MYO3B: variants seen among roughly 807,000 people sequenced by gnomAD.
MYO3B encodes myosin IIIB, also known as myosin-IIIb.
Under a neutral mutation model 174.6 loss-of-function variants are expected in MYO3B, and 156 were observed. That is an observed-to-expected ratio of 0.89 (90% CI 0.78 to 1.02). The LOEUF is 1.02. Among genes scored for constraint, MYO3B ranks in the 50% least tolerant of loss-of-function variants. MYO3B has a pLI of 0.00. For missense variants in MYO3B, 1,632 were observed against 1,639.4 expected, an observed-to-expected ratio of 1.00 and a Z score of 0.08; for synonymous variants, 563 against 569.1, an observed-to-expected ratio of 0.99 and a Z score of 0.15.
Position 170,643,544 on chromosome 2 carries a change from GC to G in MYO3B, c.3734-8080del, listed in dbSNP as rs1698142150. ...TGCACAACTCTAATCCTATTTAAAT[GC>G]CCCAGGGGTATAGCTTATAACCTCA... On this transcript the variant is annotated intron_variant, in intron 32 of 34. Coordinates refer to ENST00000408978, the MANE Select transcript of MYO3B (RefSeq NM_138995.5). Among the ~76,000 whole-genome samples the G allele has an allele frequency of 2.0e-5, 3 of 152,244 alleles. 1 individual carries two copies. In the South Asian group the frequency reaches 6.2e-4, roughly 32 times the overall value.
chr2:170,214,879 G>A (rs2092811094), intron 5 of MYO3B, 51 bp downstream of exon 5: 2 of 1,386,806 alleles, frequency 1.4e-6, no homozygotes, highest in Non-Finnish European at 2.1e-6. Context: ...TTAGCCAAAG[G>A]GGACAATTTA....
At chr2:170,289,778 G>T (rs1315894433) in intron 7 of MYO3B, among the ~76,000 whole-genome samples, 1 of 151,776 alleles carries the variant, frequency 6.6e-6, no homozygotes, top group Admixed American at 6.6e-5. Context: ...TCCTTGAGGG[G>T]TGTCATTAGG....
At chr2:170,215,449 G>GTT (rs983349667) in intron 5 of MYO3B, among the ~76,000 whole-genome samples, 1 of 149,346 alleles carries the variant, frequency 6.7e-6, no homozygotes, top group African/African-American at 2.5e-5. Flanking sequence ...AAACCATTTG[G>GTT]TTTTTTTTTT....
chr2:170,384,099 A>G, intron 12 of MYO3B, among the ~76,000 whole-genome samples: 1 of 152,242 alleles, frequency 6.6e-6, no homozygotes, highest in Non-Finnish European at 1.5e-5. Context: ...TATGATGAGA[A>G]CAGTGCAAAC....
At chr2:170,423,585 C>T (rs1402137685) in intron 22 of MYO3B, among the ~76,000 whole-genome samples, 4 of 124,294 alleles carry the variant, frequency 3.2e-5, no homozygotes, top group African/African-American at 6.1e-5. Flanking sequence ...TCAGCAAAAG[C>T]TTTTTTTTTT....
Position 170,647,112 on chromosome 2 carries a change from G to A in MYO3B, c.3734-4516G>A, listed in dbSNP as rs528634224. ...TTCTTTCTAAAGTTTTTTGGAGAAT[G>A]TTTAAAATTCTCAATATATAACTCA... On this transcript the variant is annotated intron_variant, in intron 32 of 34. Coordinates refer to ENST00000408978, the MANE Select transcript of MYO3B (RefSeq NM_138995.5). 1.9e-4 allele frequency among the ~76,000 whole-genome samples: 29 copies of A among 152,244 alleles called. No homozygotes were observed. The South Asian group carries it at 6.0e-3, about 32-fold the overall frequency.
At chr2:170,478,276 C>T (rs947298332) in intron 25 of MYO3B, among the ~76,000 whole-genome samples, 9 of 151,830 alleles carry the variant, frequency 5.9e-5, no homozygotes, top group East Asian at 5.8e-4. Flanking sequence ...ATGGGGGAGG[C>T]GGTTAGTCAT....
intron 32 of MYO3B, among the ~76,000 whole-genome samples, chr2:170,608,084 G>A (rs1007563747): frequency 6.6e-6 from 1 of 152,150 alleles, no homozygotes; most frequent in Non-Finnish European, 1.5e-5. Flanking sequence ...GTACACTTCT[G>A]GAGGTTTCCT....
intron 7 of MYO3B, among the ~76,000 whole-genome samples, chr2:170,252,743 T>C (rs2093266599): frequency 6.6e-6 from 1 of 152,210 alleles, no homozygotes; most frequent in Non-Finnish European, 1.5e-5. Context: ...GGGTTTGTTA[T>C]ATAATGTGCT....
In MYO3B at chr2:170,641,923, TAAA is replaced by T. The variant is rs11349285; in HGVS notation, c.3734-9697_3734-9695del. 1.2e-4 allele frequency among the ~76,000 whole-genome samples: 17 copies of T among 138,256 alleles called. No individual in the cohort carries two copies. In the East Asian group the frequency reaches 2.5e-3, roughly 20 times the overall value. 90.7% of individuals were successfully genotyped at this position (138,256 alleles called of 152,430 possible). Reference sequence around the variant, plus strand: ...TAAATGAATGAATGAATTTTTTAGTTAAAAAAAAAAGAATACATATTCCTGTAA... The same window carrying T: ...TAAATGAATGAATGAATTTTTTAGTTAAAAAAAGAATACATATTCCTGTAA... On this transcript the variant is annotated intron_variant, in intron 32 of 34. Coordinates refer to ENST00000408978, the MANE Select transcript of MYO3B (RefSeq NM_138995.5).
rs112771373 is a variant in MYO3B at position 170,618,905 on chromosome 2, C to T, written c.3734-32723C>T. 5.6e-3 allele frequency among the ~76,000 whole-genome samples: 857 copies of T among 152,116 alleles called. 10 individuals are homozygous for T. Among genetic ancestry groups the T allele is most frequent in the African/African-American group, 0.018 (751 of 41,486 alleles). On this transcript the variant is annotated intron_variant, in intron 32 of 34. Coordinates refer to ENST00000408978, the MANE Select transcript of MYO3B (RefSeq NM_138995.5). ...ATAAGAATTTACAATATAGTGTGTG[C>T]GTCAGTAATTTCTAACAGAGCCTTA... is the stretch of plus-strand genomic sequence containing the variant.
At chr2:170,612,167 C>A (rs900963455) in intron 32 of MYO3B, among the ~76,000 whole-genome samples, 4 of 152,216 alleles carry the variant, frequency 2.6e-5, no homozygotes, top group Non-Finnish European at 5.9e-5. Context: ...TTGTCTGTCA[C>A]CTGTTCCACT....
Position 170,293,404 on chromosome 2 carries a change from G to A in MYO3B, c.750-41981G>A, listed in dbSNP as rs952663212. The stretch of plus-strand genomic sequence containing the variant: ...TTCTACTGCTTATTTCTTATATTAT[G>A]TTGAATAAAGTGGTGACAATGGGCA... On this transcript the variant is annotated intron_variant, in intron 7 of 34. Coordinates refer to ENST00000408978, the MANE Select transcript of MYO3B (RefSeq NM_138995.5). Among the ~76,000 whole-genome samples, 9 of 152,128 alleles carry A rather than the reference G, an allele frequency of 5.9e-5. No homozygotes were observed. In the South Asian group the frequency reaches 6.2e-4, roughly 11 times the overall value.
chr2:170,211,942 TAA>T (rs35573351), intron 3 of MYO3B, among the ~76,000 whole-genome samples: 136 of 139,220 alleles, frequency 9.8e-4, no homozygotes, highest in Middle Eastern at 3.6e-3. Flanking sequence ...AATGTTTTCT[TAA>T]AAAAAAAAAA....
At chr2:170,402,092 G>A (rs973415003) in intron 18 of MYO3B, among the ~76,000 whole-genome samples, 1 of 152,228 alleles carries the variant, frequency 6.6e-6, no homozygotes, top group Admixed American at 6.5e-5. Flanking sequence ...TTGGCTGGGA[G>A]CTGGACAAAC....
chr2:170,241,033 A>C (rs2093125940), intron 7 of MYO3B, among the ~76,000 whole-genome samples: 1 of 152,162 alleles, frequency 6.6e-6, no homozygotes, highest in Non-Finnish European at 1.5e-5. Context: ...CCTTCCTTGC[A>C]AAGTTGTATC....
At chr2:170,402,562 A>G (rs960972014) in intron 18 of MYO3B, among the ~76,000 whole-genome samples, 3 of 152,132 alleles carry the variant, frequency 2.0e-5, no homozygotes, top group African/African-American at 7.2e-5. Context: ...ACCCCTTCAA[A>G]CAAAAGGACT....
At chr2:170,372,684 G>A (rs534767276) in intron 9 of MYO3B, among the ~76,000 whole-genome samples, 1 of 152,234 alleles carries the variant, frequency 6.6e-6, no homozygotes, top group South Asian at 2.1e-4. Context: ...CCTAGATAAA[G>A]GAATGCCTGG....
chr2:170,559,792 C>T (rs985257473), intron 32 of MYO3B, among the ~76,000 whole-genome samples: 3 of 152,106 alleles, frequency 2.0e-5, no homozygotes, highest in African/African-American at 7.2e-5. Flanking sequence ...ACCACCATCA[C>T]CCCCACACTC....
Sources: allele counts gnomAD v4.1 joint callset (sites outside exome capture counted in the v4.1 genomes callset), GRCh38; gene constraint gnomAD v4.1.1; transcripts MANE v1.5; gene names NCBI Gene and HGNC (gene_info 2026-07-23, HGNC 2026-07-21).